The following CSMD1 variants were observed in gnomAD, a reference collection of about 807,000 sequenced individuals.
CSMD1 encodes the protein CUB and Sushi multiple domains 1.
Under a neutral mutation model 417.5 loss-of-function variants are expected in CSMD1, and 213 were observed. The ratio of observed to expected loss-of-function variants is 0.51; its 90% confidence interval spans 0.46 to 0.57. CSMD1 has a LOEUF of 0.57. Ranked by LOEUF, CSMD1 falls within the 20% of genes least tolerant of loss-of-function variation. The pLI, the probability that CSMD1 is intolerant of heterozygous loss-of-function variation, is 0.00. For synonymous variants in CSMD1, 2,862 were observed against 1,736.8 expected (o/e 1.65, Z -16.11); for missense variants, 6,923 against 4,529.7 (o/e 1.53, Z -15.17).
chr8:4,787,902 T>C (rs781548752), intron 1 of CSMD1: 11 of 1,586,116 alleles, frequency 6.9e-6, no homozygotes, highest in South Asian at 4.5e-5. Context: ...TTGGTGTTGA[T>C]GTAACCACAA....
intron 2 of CSMD1, among the ~76,000 whole-genome samples, chr8:4,511,812 A>G (rs4609213): frequency 0.41 from 62,576 of 151,950 alleles, 13,507 homozygotes; most frequent in Middle Eastern, 0.51. Context: ...TCTACACATT[A>G]TGAGTTTTAC....
chr8:3,551,434 G>A (rs992854787), intron 10 of CSMD1, among the ~76,000 whole-genome samples: 1 of 151,906 alleles, frequency 6.6e-6, no homozygotes, highest in African/African-American at 2.4e-5. Context: ...TAACTAATCT[G>A]CACACTGACA....
intron 2 of CSMD1, among the ~76,000 whole-genome samples, chr8:4,514,198 C>T (rs553315759): frequency 5.7e-4 from 87 of 152,258 alleles, no homozygotes; most frequent in African/African-American, 1.9e-3. Context: ...ACCGTGTCCT[C>T]ATAAGGCAGA....
At chr8:3,645,625 G>C (rs577780476) in intron 7 of CSMD1, among the ~76,000 whole-genome samples, 3 of 152,118 alleles carry the variant, frequency 2.0e-5, no homozygotes, top group Admixed American at 6.5e-5. Flanking sequence ...GGGAAGAGTC[G>C]GCCTTCTGCA....
At chr8:4,164,437 C>A (rs962192234) in intron 3 of CSMD1, among the ~76,000 whole-genome samples, 18 of 152,260 alleles carry the variant, frequency 1.2e-4, no homozygotes, top group South Asian at 4.2e-4. Flanking sequence ...CAGGTGACCT[C>A]TGAAACAGCC....
At chr8:3,314,943 G>T (rs547100163) in intron 23 of CSMD1, among the ~76,000 whole-genome samples, 33 of 152,312 alleles carry the variant, frequency 2.2e-4, no homozygotes, top group African/African-American at 7.2e-4. Flanking sequence ...AGCAACTCTT[G>T]AGAAAGTAGT....
chr8:4,532,357 C>T (rs1287174617), intron 2 of CSMD1, among the ~76,000 whole-genome samples: 2 of 151,388 alleles, frequency 1.3e-5, no homozygotes, highest in Non-Finnish European at 2.9e-5. Flanking sequence ...AGAAATCCTG[C>T]ACCCGCATTC....
At chr8:4,803,565 T>A (rs79915765) in intron 1 of CSMD1, among the ~76,000 whole-genome samples, 10,155 of 152,202 alleles carry the variant, frequency 0.067, 553 homozygotes, top group East Asian at 0.23. Flanking sequence ...GTTTTATTTA[T>A]AAAATCGAAA....
intron 1 of CSMD1, among the ~76,000 whole-genome samples, chr8:4,770,872 A>G (rs1796566627): frequency 1.3e-5 from 2 of 152,170 alleles, no homozygotes; most frequent in African/African-American, 4.8e-5. Flanking sequence ...ACACAGGGGA[A>G]ATGCTCGTTA....
chr8:3,766,708 C>A (rs1798291409), intron 5 of CSMD1, among the ~76,000 whole-genome samples: 1 of 151,788 alleles, frequency 6.6e-6, no homozygotes, highest in South Asian at 2.1e-4. Flanking sequence ...ATTTTGGGTT[C>A]ACTGACAATT....
At chr8:3,027,813 C>A (rs1379760497) in intron 51 of CSMD1, among the ~76,000 whole-genome samples, 1 of 152,222 alleles carries the variant, frequency 6.6e-6, no homozygotes, top group Non-Finnish European at 1.5e-5. Context: ...GAAGCAGAAA[C>A]ACCGTTCAAG....
intron 49 of CSMD1, among the ~76,000 whole-genome samples, chr8:3,074,732 A>AT (rs1319290106): frequency 3.3e-5 from 5 of 152,234 alleles, no homozygotes; most frequent in African/African-American, 1.2e-4. Flanking sequence ...ATACAAACAT[A>AT]TATTTTAGAA....
intron 39 of CSMD1, among the ~76,000 whole-genome samples, chr8:3,155,853 G>C (rs542475988): frequency 6.6e-6 from 1 of 152,260 alleles, no homozygotes; most frequent in East Asian, 1.9e-4. Flanking sequence ...TCCTGGATGA[G>C]CCTATCATAA....
intron 10 of CSMD1, among the ~76,000 whole-genome samples, chr8:3,512,019 C>T (rs1198315305): frequency 8.5e-5 from 13 of 152,172 alleles, no homozygotes; most frequent in South Asian, 2.1e-4. Flanking sequence ...CTCCAGGCCC[C>T]GCTCCCTGGG....
At chr8:4,062,545 G>T (rs1799030006) in intron 3 of CSMD1, among the ~76,000 whole-genome samples, 2 of 152,096 alleles carry the variant, frequency 1.3e-5, no homozygotes, top group Admixed American at 6.6e-5. Context: ...GCATTGACAT[G>T]AACAACATTT....
chr8:3,489,086 G>C (rs1034119830), intron 11 of CSMD1, among the ~76,000 whole-genome samples: 4 of 152,132 alleles, frequency 2.6e-5, no homozygotes, highest in Admixed American at 6.6e-5. Context: ...TCTGTGCATA[G>C]TGTCTGCTTT....
In CSMD1 at chr8:3,105,267, G is replaced by C. The variant is rs545857190; in HGVS notation, c.6949+1261C>G. On this transcript the variant is annotated intron_variant, in intron 46 of 69. Coordinates refer to ENST00000635120, the MANE Select transcript of CSMD1 (RefSeq NM_033225.6). The stretch of plus-strand genomic sequence containing the variant: ...TGCCTGATGGGGTGACTCTGGCTCC[G>C]GGTCCTGTCTTCCTAAATCGTGGGC... Among the ~76,000 whole-genome samples the C allele has an allele frequency of 1.5e-4, 23 of 152,228 alleles. No homozygotes were observed. In the South Asian group the frequency reaches 4.6e-3, roughly 30 times the overall value.
At chr8:3,062,557 T>A (rs1489695775) in intron 49 of CSMD1, among the ~76,000 whole-genome samples, 7 of 140,142 alleles carry the variant, frequency 5.0e-5, no homozygotes, top group East Asian at 2.1e-4. Context: ...CAAAACACAT[T>A]AAAAAAAAAA....
rs182418832 is a variant in CSMD1 at position 4,068,520 on chromosome 8, G to A, written c.416-36421C>T. ...GAAACAAAACAGGTTTAGTTTTTAC[G>A]ACACAAAATGCAGAAACATAAAATG... On this transcript the variant is annotated intron_variant, in intron 3 of 69. Transcript: ENST00000635120. Among the ~76,000 whole-genome samples, 11 of 152,238 alleles carry A rather than the reference G, an allele frequency of 7.2e-5. No individual in the cohort carries two copies. In the East Asian group the frequency reaches 1.4e-3, roughly 19 times the overall value.
Sources: allele counts gnomAD v4.1 joint callset (sites outside exome capture counted in the v4.1 genomes callset), GRCh38; gene constraint gnomAD v4.1.1; transcripts MANE v1.5; gene names NCBI Gene and HGNC (gene_info 2026-07-23, HGNC 2026-07-21).